LRRC8B: variants seen among roughly 807,000 people sequenced by gnomAD.
The protein encoded by LRRC8B is volume-regulated anion channel subunit LRRC8B.
LRRC8B carries 23 observed loss-of-function variants against 58.8 expected under a neutral mutation model. The observed-to-expected ratio is 0.39, with a 90% confidence interval of 0.28 to 0.55. The LOEUF is 0.55. Ranked by LOEUF, LRRC8B falls within the 20% of genes least tolerant of loss-of-function variation. LRRC8B has a pLI of 0.62. For missense variants in LRRC8B, 694 were observed against 936.0 expected (o/e 0.74, Z 3.37); for synonymous variants, 359 against 374.1 (o/e 0.96, Z 0.47).
At chr1:89,550,663 A>G (rs1651730310) in intron 1 of LRRC8B, among the ~76,000 whole-genome samples, 1 of 152,228 alleles carries the variant, frequency 6.6e-6, no homozygotes, top group Non-Finnish European at 1.5e-5. Flanking sequence ...TGGAATATTA[A>G]CTAGCACTTT....
rs375002417 is a variant in LRRC8B at position 89,582,850 on chromosome 1, C to T, written c.200C>T (p.Ala67Val). The T allele has an allele frequency of 3.8e-5, 61 of 1,614,096 alleles. No individual in the cohort carries two copies. The highest frequency in any genetic ancestry group is 4.7e-5 in the Non-Finnish European group (55 of 1,180,050). Residue 67 changes from alanine to valine, a missense_variant, in exon 5 of 6, where the codon GCC becomes GTC. Ala to Val is a moderately conservative substitution (Grantham distance 64). Transcript: ENST00000330947. Reference protein sequence around the residue: ...PCKVEFDNHCAVPWDILKASM... With the variant: ...PCKVEFDNHCVVPWDILKASM... ...AAAGTGGAATTTGACAATCACTGTG[C>T]CGTGCCTTGGGACATCCTGAAAGCC...
intron 1 of LRRC8B, among the ~76,000 whole-genome samples, chr1:89,547,933 G>T (rs1170321570): frequency 6.6e-6 from 1 of 152,216 alleles, no homozygotes; most frequent in African/African-American, 2.4e-5. Context: ...CATGACAGCT[G>T]TGTACCCTTT....
chr1:89,537,901 G>A (rs949158307), intron 1 of LRRC8B, among the ~76,000 whole-genome samples: 1 of 152,222 alleles, frequency 6.6e-6, no homozygotes, highest in Non-Finnish European at 1.5e-5. Context: ...CTGACATCTT[G>A]TGATCTCAGA....
At chr1:89,554,282 C>T (rs1652020783) in intron 1 of LRRC8B, among the ~76,000 whole-genome samples, 1 of 152,128 alleles carries the variant, frequency 6.6e-6, no homozygotes. Context: ...ATATTATGTG[C>T]CCTGTTATTA....
intron 1 of LRRC8B, among the ~76,000 whole-genome samples, chr1:89,533,835 C>T (rs140245483): frequency 4.6e-5 from 7 of 152,240 alleles, no homozygotes; most frequent in Admixed American, 3.9e-4. Context: ...ATTTCAATAA[C>T]GTACTTTTGA....
chr1:89,564,838 T>A lies in LRRC8B; in HGVS notation c.-240-3409T>A, dbSNP rs578235861. Among the ~76,000 whole-genome samples, 6 of 152,316 alleles carry A rather than the reference T, an allele frequency of 3.9e-5. No homozygotes were observed. In the South Asian group the frequency reaches 1.0e-3, roughly 26 times the overall value. ...AGGGTAGCAGTGTTTGTTTTAAACA[T>A]CTTTTGTGTTTAATAGTCACTTAAA... On this transcript the variant is annotated intron_variant, in intron 1 of 5. Coordinates refer to ENST00000330947, the MANE Select transcript of LRRC8B (RefSeq NM_001369817.2).
chr1:89,575,322 C>G (rs574610732), intron 3 of LRRC8B, among the ~76,000 whole-genome samples: 1 of 152,172 alleles, frequency 6.6e-6, no homozygotes, highest in Non-Finnish European at 1.5e-5. Flanking sequence ...GTAGCTTTCA[C>G]TTTTATGCTT....
chr1:89,551,971 G>T (rs995480213), intron 1 of LRRC8B, among the ~76,000 whole-genome samples: 5 of 152,152 alleles, frequency 3.3e-5, no homozygotes, highest in Non-Finnish European at 5.9e-5. Context: ...TAATAGATTT[G>T]TCTGTCACTG....
At chr1:89,559,140 A>C (rs979133238) in intron 1 of LRRC8B, 3 of 152,030 alleles carry the variant, frequency 2.0e-5, no homozygotes, top group African/African-American at 7.3e-5. Flanking sequence ...TGTTGGGGAG[A>C]TGATTCTGCA....
At chr1:89,537,193 C>T (rs1650597243) in intron 1 of LRRC8B, among the ~76,000 whole-genome samples, 1 of 152,198 alleles carries the variant, frequency 6.6e-6, no homozygotes, top group African/African-American at 2.4e-5. Context: ...GAGTTCAAGG[C>T]TGTGGCACTA....
At chr1:89,567,726 T>C (rs185981270) in intron 1 of LRRC8B, among the ~76,000 whole-genome samples, 2 of 152,254 alleles carry the variant, frequency 1.3e-5, no homozygotes, top group East Asian at 3.9e-4. Context: ...ATTCCTTCAT[T>C]TTTGAAGTAT....
intron 1 of LRRC8B, among the ~76,000 whole-genome samples, chr1:89,532,748 A>G (rs561616663): frequency 3.3e-5 from 5 of 152,360 alleles, no homozygotes; most frequent in Admixed American, 2.0e-4. Context: ...ATGGACTAAT[A>G]CACCAATTAG....
intron 1 of LRRC8B, among the ~76,000 whole-genome samples, chr1:89,550,451 T>G (rs963162885): frequency 2.6e-5 from 4 of 152,228 alleles, no homozygotes; most frequent in Non-Finnish European, 5.9e-5. Context: ...TGTGTCTCAT[T>G]AGGTCTGGAC....
chr1:89,554,126 T>A (rs77985109), intron 1 of LRRC8B, among the ~76,000 whole-genome samples: 8,693 of 152,242 alleles, frequency 0.057, 286 homozygotes, highest in African/African-American at 0.087. Context: ...TTAATTAGCA[T>A]TTGATCCTAA....
intron 1 of LRRC8B, among the ~76,000 whole-genome samples, chr1:89,541,668 G>A (rs1483827002): frequency 4.2e-5 from 5 of 120,180 alleles, no homozygotes; most frequent in Admixed American, 3.1e-4. Flanking sequence ...CCGAGATCCC[G>A]CCACTGCACT....
intron 1 of LRRC8B, among the ~76,000 whole-genome samples, chr1:89,564,283 G>A (rs1652882400): frequency 6.6e-6 from 1 of 152,176 alleles, no homozygotes; most frequent in African/African-American, 2.4e-5. Context: ...TGTTTCACTA[G>A]ATGGAATACT....
intron 3 of LRRC8B, among the ~76,000 whole-genome samples, chr1:89,573,103 A>G (rs1653584363): frequency 1.3e-5 from 2 of 152,160 alleles, no homozygotes; most frequent in African/African-American, 4.8e-5. Flanking sequence ...GATCGAGACC[A>G]TCCTAGCTAA....
rs1654312803 is a variant in LRRC8B, at chr1:89,582,598, A to G, written c.-26-27A>G. ...TGCTTATTTGAGTACTTGCTTCAGT[A>G]GTGTTTCTTTTATTTCCCTCTTCCA... On this transcript the variant is annotated intron_variant, in intron 4 of 5. Coordinates refer to ENST00000330947, the MANE Select transcript of LRRC8B (RefSeq NM_001369817.2). 3.1e-6 allele frequency: 4 copies of G among 1,290,102 alleles called. No homozygotes were observed. In the African/African-American group the frequency reaches 5.8e-5, roughly 19 times the overall value. The allele number at this position is 1,290,102 out of a possible 1,614,324, so 79.9% of individuals were successfully genotyped here.
intron 1 of LRRC8B, among the ~76,000 whole-genome samples, chr1:89,526,514 G>A (rs1649710954): frequency 6.6e-6 from 1 of 152,156 alleles, no homozygotes; most frequent in African/African-American, 2.4e-5. Context: ...AATGCTCTCT[G>A]AATTGTGGGT....
Sources: allele counts gnomAD v4.1 joint callset (sites outside exome capture counted in the v4.1 genomes callset), GRCh38; gene constraint gnomAD v4.1.1; transcripts MANE v1.5; gene names NCBI Gene and HGNC (gene_info 2026-07-23, HGNC 2026-07-21).